The following UQCRH variants were observed in gnomAD, a reference collection of about 807,000 sequenced individuals.
The protein encoded by UQCRH is cytochrome b-c1 complex subunit 6, mitochondrial.
Under a neutral mutation model 16.3 loss-of-function variants are expected in UQCRH, and 14 were observed. The observed-to-expected ratio is 0.86, with a 90% CI of 0.57 to 1.34. The LOEUF is 1.34. Ranked by LOEUF, UQCRH falls within the 40% of genes most tolerant of loss-of-function variation. UQCRH has a pLI of 0.00. For missense variants in UQCRH, 89 were observed against 111.9 expected (o/e 0.80, Z 0.92); for synonymous variants, 41 against 41.9 (o/e 0.98, Z 0.08).
chr1:46,311,104 ATCT>A (rs1661465031), intron 3 of UQCRH, among the ~76,000 whole-genome samples: 1 of 151,748 alleles, frequency 6.6e-6, no homozygotes, highest in South Asian at 2.1e-4. Context: ...AATAATAATA[ATCT>A]TGCCTAATCC....
At chr1:46,309,881 C>T in intron 2 of UQCRH, 1 of 1,369,600 alleles carries the variant, frequency 7.3e-7, no homozygotes, top group South Asian at 1.5e-5. Context: ...GTTTCCTTTA[C>T]CACCTTGTTT....
At chr1:46,306,281 A>T (rs948999033) in intron 1 of UQCRH, among the ~76,000 whole-genome samples, 1 of 152,160 alleles carries the variant, frequency 6.6e-6, no homozygotes, top group Non-Finnish European at 1.5e-5. Context: ...TAGCATTGCT[A>T]ATAGGGAAAT....
intron 1 of UQCRH, among the ~76,000 whole-genome samples, chr1:46,305,298 C>CA (rs11444271): frequency 0.3 from 19,463 of 64,394 alleles, 3,248 homozygotes; most frequent in East Asian, 0.51. Context: ...GACCCTGTCT[C>CA]AAAAAAAAAA....
Position 46,309,132 on chromosome 1 carries a change from G to A in UQCRH, c.81+5G>A. The A allele has an allele frequency of 6.2e-7, 1 of 1,612,098 alleles. No homozygotes were observed. Among genetic ancestry groups the A allele is most frequent in the Non-Finnish European group, 8.5e-7 (1 of 1,179,570 alleles). On this transcript the variant is annotated splice_donor_5th_base_variant and intron_variant, in intron 2 of 3. Coordinates refer to ENST00000311672, the MANE Select transcript of UQCRH (RefSeq NM_006004.4). The stretch of plus-strand genomic sequence containing the variant: ...GAGGAAGAGGAGGAATTAGTGGTAA[G>A]AACTGTCTCAGGTTTGGAAACATCT...
In UQCRH at chr1:46,303,722, G is replaced by C; in HGVS notation, c.-45G>C. ...CCTTCTTGATCCTGAACTGGGTTAG[G>C]TGCCGCTGTTGCTGCTCGTGTTGAA... On this transcript the variant is annotated 5_prime_UTR_variant, in exon 1 of 4. Transcript: ENST00000311672. The C allele has an allele frequency of 6.2e-7, 1 of 1,614,012 alleles. No individual in the cohort carries two copies. Among genetic ancestry groups the C allele is most frequent in the Non-Finnish European group, 8.5e-7 (1 of 1,179,922 alleles).
At chr1:46,308,562 C>A (rs1024016858) in intron 1 of UQCRH, among the ~76,000 whole-genome samples, 3 of 152,340 alleles carry the variant, frequency 2.0e-5, no homozygotes, top group East Asian at 3.9e-4. Context: ...CAGGGCCAGG[C>A]TGAGTGGCTA....
chr1:46,305,540 G>A (rs1164454247), intron 1 of UQCRH, among the ~76,000 whole-genome samples: 2 of 150,758 alleles, frequency 1.3e-5, no homozygotes, highest in African/African-American at 2.4e-5. Flanking sequence ...GGATCAGGAG[G>A]TCAGGAGATC....
chr1:46,305,298 CAA>C (rs11444271), intron 1 of UQCRH, among the ~76,000 whole-genome samples: 28 of 65,000 alleles, frequency 4.3e-4, no homozygotes, highest in African/African-American at 1.3e-3. Context: ...GACCCTGTCT[CAA>C]AAAAAAAAAA....
chr1:46,309,563 G>A, intron 2 of UQCRH: 1 of 179,294 alleles, frequency 5.6e-6, no homozygotes, highest in Admixed American at 5.7e-5. Context: ...CCAGCTACTC[G>A]AGAGGCTGAG....
chr1:46,311,832 G>T (rs1171509074), intron 3 of UQCRH, among the ~76,000 whole-genome samples: 1 of 151,240 alleles, frequency 6.6e-6, no homozygotes, highest in Admixed American at 6.6e-5. Context: ...GTTTCACTGT[G>T]TTAGCCAAGA....
At chr1:46,309,077 A>C (rs762335358) in intron 1 of UQCRH, 24 bp from the exon 2 acceptor site, 1 of 1,613,450 alleles carries the variant, frequency 6.2e-7, no homozygotes, top group Non-Finnish European at 8.5e-7. Flanking sequence ...TGCTGCTGAC[A>C]TTAATTTTGT....
At chr1:46,314,057 A>G (rs892273618) in intron 3 of UQCRH, among the ~76,000 whole-genome samples, 1 of 152,140 alleles carries the variant, frequency 6.6e-6, no homozygotes, top group African/African-American at 2.4e-5. Context: ...TGTATATACA[A>G]TGGGATATTA....
intron 1 of UQCRH, among the ~76,000 whole-genome samples, chr1:46,307,729 A>G (rs1454291528): frequency 2.0e-5 from 3 of 152,178 alleles, no homozygotes; most frequent in Non-Finnish European, 4.4e-5. Context: ...TTTATTTGAT[A>G]TACTTAGTCT....
chr1:46,304,579 GTTT>G (rs569276808), intron 1 of UQCRH, among the ~76,000 whole-genome samples: 149 of 151,984 alleles, frequency 9.8e-4, no homozygotes, highest in Admixed American at 2.2e-3. Flanking sequence ...AGCGACGGGG[GTTT>G]CACTCTGTTG....
intron 3 of UQCRH, among the ~76,000 whole-genome samples, chr1:46,310,833 C>CGGAGGCG (rs1661456254): frequency 6.6e-6 from 1 of 150,478 alleles, no homozygotes; most frequent in African/African-American, 2.4e-5. Context: ...TTTGGGAGGC[C>CGGAGGCG]GAGGCGGGTG....
intron 1 of UQCRH, among the ~76,000 whole-genome samples, chr1:46,306,380 GTTT>G (rs58917170): frequency 1.6e-5 from 2 of 125,180 alleles, no homozygotes; most frequent in Admixed American, 8.5e-5. Context: ...AACTTTTTCA[GTTT>G]TTTTTTTTTT....
At chr1:46,314,565 C>T (rs891610530) in intron 3 of UQCRH, among the ~76,000 whole-genome samples, 4 of 150,090 alleles carry the variant, frequency 2.7e-5, no homozygotes, top group African/African-American at 7.4e-5. Flanking sequence ...CCCAGCTACT[C>T]GGGAGGCTGA....
intron 3 of UQCRH, among the ~76,000 whole-genome samples, chr1:46,316,073 C>T (rs565603312): frequency 3.9e-5 from 6 of 152,278 alleles, no homozygotes; most frequent in African/African-American, 1.4e-4. Flanking sequence ...CCCCGCCTCC[C>T]ATTTATTTTC....
chr1:46,315,640 A>C (rs1228727588), intron 3 of UQCRH, among the ~76,000 whole-genome samples: 1 of 151,888 alleles, frequency 6.6e-6, no homozygotes, highest in Non-Finnish European at 1.5e-5. Context: ...AAATTACTGA[A>C]GTGGAAAATT....
Sources: gnomAD v4.1 joint callset for allele counts (sites outside exome capture counted in the v4.1 genomes callset) on GRCh38, gnomAD v4.1.1 for gene constraint, MANE v1.5 for transcripts, NCBI Gene and HGNC (gene_info 2026-07-23, HGNC 2026-07-21) for gene names.